Variants in EEF2 observed in about 807,000 individuals in gnomAD.
EEF2 encodes the protein elongation factor 2.
In EEF2, 21 loss-of-function variants were observed where a neutral mutation model predicts 85.3. The ratio of observed to expected loss-of-function variants is 0.25; its 90% CI spans 0.17 to 0.35. The LOEUF is 0.35. Ranked by LOEUF, EEF2 falls within the 10% of genes least tolerant of loss-of-function variation. EEF2 has a pLI of 1.00. For missense variants in EEF2, 825 were observed against 1,225.3 expected, an observed-to-expected ratio of 0.67 and a Z score of 4.88; for synonymous variants, 723 against 508.8, an observed-to-expected ratio of 1.42 and a Z score of -5.67.
chr19:3,985,441 T>TGGC lies in EEF2; in HGVS notation c.-64_-62dup. The TGGC allele has an allele frequency of 6.9e-7, 1 of 1,446,040 alleles. No individual in the cohort carries two copies. Among genetic ancestry groups the TGGC allele is most frequent in the South Asian group, 1.4e-5 (1 of 70,344 alleles). The allele number at this position is 1,446,040 out of a possible 1,614,324, so 89.6% of individuals were successfully genotyped here. On this transcript the variant is annotated 5_prime_UTR_variant, in exon 1 of 15. Transcript: ENST00000309311. ...CGAAAGAAGCGAGTCGCGCCGAGGA[T>TGGC]GGCGGCGACGACGGCGGAAGAGAAC...
At position 3,983,094 on chromosome 19, in the gene EEF2, G is replaced by T; in HGVS notation, c.400+16C>A. ...CCCCGGTTCCAGGCCGTGCCTCAGG[G>T]GGACCCACTGCTTACCTGACACGCA... On this transcript the variant is annotated intron_variant, in intron 3 of 14. Transcript: ENST00000309311. The T allele has an allele frequency of 6.2e-7, 1 of 1,612,674 alleles. No individual in the cohort carries two copies. Among genetic ancestry groups the T allele is most frequent in the Non-Finnish European group, 8.5e-7 (1 of 1,178,882 alleles).
In EEF2 at chr19:3,984,883, T is replaced by C. The variant is rs561289317; in HGVS notation, c.3+495A>G. Reference sequence around the variant, plus strand: ...AGAGTCTTTGTACATCTGGGAGTCATAGGAAGGACAAGTGCCTAAGGTCGA... The same window carrying C: ...AGAGTCTTTGTACATCTGGGAGTCACAGGAAGGACAAGTGCCTAAGGTCGA... On this transcript the variant is annotated intron_variant, in intron 1 of 14. Coordinates refer to ENST00000309311, the MANE Select transcript of EEF2 (RefSeq NM_001961.4). The C allele has an allele frequency of 9.6e-5, 16 of 167,098 alleles. No homozygotes were observed. The East Asian group carries it at 2.4e-3, about 25-fold the overall frequency. 10.4% of individuals were successfully genotyped at this position (167,098 alleles called of 1,614,324 possible).
chr19:3,984,492 C>A, intron 1 of EEF2, 142 bp from the exon 2 acceptor site: 1 of 810,986 alleles, frequency 1.2e-6, no homozygotes, highest in Non-Finnish European at 2.0e-6. Flanking sequence ...CGAATCTTGC[C>A]AGCCTAACAC....
rs778793100 is a variant in EEF2, at chr19:3,981,458, T to C, written c.898-6A>G. On this transcript the variant is annotated splice_region_variant and splice_polypyrimidine_tract_variant and intron_variant, in intron 6 of 14. Transcript: ENST00000309311. ...TTCATGATCGCATCAAACACCTACA[T>C]TCCCCACCAAGAAACAAGAAAGCCC... is the stretch of plus-strand genomic sequence containing the variant. 187 of 1,608,502 alleles carry C rather than the reference T, an allele frequency of 1.2e-4. No homozygotes were observed. Among genetic ancestry groups the C allele is most frequent in the Non-Finnish European group, 1.5e-4 (180 of 1,175,740 alleles).
chr19:3,979,215 G>C, intron 11 of EEF2, 114 bp downstream of exon 11: 2 of 771,972 alleles, frequency 2.6e-6, no homozygotes, highest in Middle Eastern at 3.5e-4. Flanking sequence ...AAGAAGCTGA[G>C]ACCAAGACCG....
In EEF2 at chr19:3,983,017, G is replaced by A. The variant is rs150539044; in HGVS notation, c.402C>T (p.Gly134=). ...GCACTGTCTCCGTCTGCACGCACAC[G>A]CCTGGGGACACGGGGGACAGGGCGG... ...GALVVVDCVS[G]VCVQTETVLR... is the part of the protein sequence containing the mutation. Residue 134 remains glycine (G), a splice_region_variant and synonymous_variant, in exon 4 of 15, where the codon GGC becomes GGT. Transcript: ENST00000309311. The A allele has an allele frequency of 2.2e-5, 36 of 1,612,734 alleles. No homozygotes were observed. Among genetic ancestry groups the A allele is most frequent in the African/African-American group, 1.7e-4 (13 of 75,036 alleles).
intron 2 of EEF2, among the ~76,000 whole-genome samples, 178 bp from the exon 3 acceptor site, chr19:3,983,469 AG>A (rs1445455663): frequency 6.6e-6 from 1 of 151,988 alleles, no homozygotes; most frequent in Non-Finnish European, 1.5e-5. Context: ...CCCCCATGAC[AG>A]GGAACTCCTG....
intron 1 of EEF2, chr19:3,985,121 C>G (rs954875266): frequency 2.0e-5 from 8 of 397,810 alleles, no homozygotes; most frequent in African/African-American, 1.7e-4. Context: ...TCATTCCCCA[C>G]CCCCATCCCC....
chr19:3,977,491 G>A lies in EEF2; in HGVS notation c.2187C>T (p.Leu729=), dbSNP rs74172613. The A allele has an allele frequency of 1.3e-6, 2 of 1,588,814 alleles. No homozygotes were observed. The highest frequency in any genetic ancestry group is 2.2e-5 in the East Asian group (1 of 44,456). The change falls in exon 13 of 15, where the codon CTC becomes CTT. Residue 729 remains leucine (L), a synonymous_variant. Transcript: ENST00000309311. This position sits in a 1 kb window ranked among gnomAD's most constrained non-coding sequence, Gnocchi z 5.4. Reference sequence around the variant, plus strand: ...GCTGGGCGGTCAGCACACTGGCATAGAGGCAGCGCCGTGCTGTGGGGATGA... The same window carrying A: ...GCTGGGCGGTCAGCACACTGGCATAAAGGCAGCGCCGTGCTGTGGGGATGA... ...GQIIPTARRC[L]YASVLTAQPR...
chr19:3,980,274 G>A (rs1461705723), intron 9 of EEF2, among the ~76,000 whole-genome samples: 2 of 152,220 alleles, frequency 1.3e-5, no homozygotes, highest in Admixed American at 6.5e-5. Flanking sequence ...ATGGGTCGAC[G>A]GCCGCCACCC....
rs749851802 is a variant in EEF2, at chr19:3,979,346, C to T, written c.1696G>A (p.Ala566Thr). 3 of 1,613,970 alleles carry T rather than the reference C, an allele frequency of 1.9e-6. No homozygotes were observed. The highest frequency in any genetic ancestry group is 1.1e-5 in the South Asian group (1 of 91,084). ...CGCCTCACCTTGATGGGGATGCAGG[C>T]GTGGTCCTCCTCCAGGTCCTTCAGG... ...ICLKDLEEDH[A>T]CIPIKKSDPV... The change falls in exon 11 of 15, where the codon GCC (alanine) becomes ACC (threonine). Residue 566 changes from alanine to threonine, a missense_variant. Coordinates refer to ENST00000309311, the MANE Select transcript of EEF2 (RefSeq NM_001961.4).
intron 7 of EEF2, 115 bp downstream of exon 7, chr19:3,981,224 G>A: frequency 2.6e-6 from 3 of 1,149,420 alleles, no homozygotes; most frequent in South Asian, 1.3e-5. Context: ...AAGCGAAAGG[G>A]GCAGCAGCTG....
chr19:3,984,297 G>C lies in EEF2; in HGVS notation c.57C>G (p.Ile19Met). Reference sequence around the variant, plus strand: ...CGTGGGCGATGACAGACATGTTGCGGATGTTGGCCTTCTTGTCCATGATGG... The same window carrying C: ...CGTGGGCGATGACAGACATGTTGCGCATGTTGGCCTTCTTGTCCATGATGG... ...IRAIMDKKANIRNMSVIAHVD... is the reference protein window; with the variant it reads ...IRAIMDKKANMRNMSVIAHVD... The change falls in exon 2 of 15, where the codon ATC (isoleucine) becomes ATG (methionine). Residue 19 changes from isoleucine (I) to methionine (M), a missense_variant. Coordinates refer to ENST00000309311, the MANE Select transcript of EEF2 (RefSeq NM_001961.4). 6.2e-7 allele frequency: 1 copy of C among 1,614,214 alleles called. No homozygotes were observed. The highest frequency in any genetic ancestry group is 8.5e-7 in the Non-Finnish European group (1 of 1,180,026).
intron 2 of EEF2, among the ~76,000 whole-genome samples, chr19:3,983,493 T>C (rs1181275765): frequency 2.0e-5 from 3 of 151,912 alleles, no homozygotes; most frequent in African/African-American, 4.8e-5. Flanking sequence ...ACCAGCCCCA[T>C]AGCCAGATCC....
intron 10 of EEF2, 75 bp from the exon 11 acceptor site, chr19:3,979,511 T>A: frequency 7.7e-7 from 1 of 1,305,798 alleles, no homozygotes. Flanking sequence ...AGCTTCCCTT[T>A]AGCTAGGGAC....
chr19:3,979,089 G>A lies in EEF2; in HGVS notation c.1713+240C>T, dbSNP rs568598965. ...GGAGGTTCTAGCGAGCCAAGATCAC[G>A]CCACTGCACTCCAGCCTGGATGACA... On this transcript the variant is annotated intron_variant, in intron 11 of 14. Coordinates refer to ENST00000309311, the MANE Select transcript of EEF2 (RefSeq NM_001961.4). Among the ~76,000 whole-genome samples, 9 of 152,152 alleles carry A rather than the reference G, an allele frequency of 5.9e-5. No individual in the cohort carries two copies. In the South Asian group the frequency reaches 6.2e-4, roughly 11 times the overall value.
In EEF2 at chr19:3,977,352, C is replaced by T. The variant is rs1400908252; in HGVS notation, c.2251-5G>A. The T allele has an allele frequency of 6.3e-7, 1 of 1,590,888 alleles. No individual in the cohort carries two copies. Among genetic ancestry groups the T allele is most frequent in the East Asian group, 2.3e-5 (1 of 43,916 alleles). On this transcript the variant is annotated splice_region_variant and splice_polypyrimidine_tract_variant and intron_variant, in intron 13 of 14. Transcript: ENST00000309311. The surrounding 1 kb of genome is among the most constrained non-coding windows in gnomAD (Gnocchi z 5.4). ...ACCGACCACCTGCTCTGGACACTGC[C>T]AGAAGGGAAAGAAAACCTGTCAGTG...
At chr19:3,978,777 T>TGGATG (rs1266909472) in intron 11 of EEF2, among the ~76,000 whole-genome samples, 1 of 107,802 alleles carries the variant, frequency 9.3e-6, no homozygotes, top group African/African-American at 3.5e-5. Context: ...CACTCCAGCC[T>TGGATG]AAGCAACAGA....
Position 3,977,601 on chromosome 19 carries a change from A to G in EEF2, c.2077T>C (p.Cys693Arg). ...CGCACACCCCGCATGTTCTCCTCAC[A>G]CAGTGCGCCCTGGGGGAGGGGGAGA... ...FQWATKEGAL[C>R]EENMRGVRFD... The change falls in exon 13 of 15, where the codon TGT becomes CGT. Residue 693 changes from cysteine (C) to arginine (R), a missense_variant. By Grantham distance (180) the Cys-to-Arg change is radical. Transcript: ENST00000309311. This position sits in a 1 kb window ranked among gnomAD's most constrained non-coding sequence, Gnocchi z 5.4. 6.5e-7 allele frequency: 1 copy of G among 1,526,906 alleles called. No individual in the cohort carries two copies. The highest frequency in any genetic ancestry group is 1.4e-5 in the African/African-American group (1 of 73,280). 94.6% of individuals were successfully genotyped at this position (1,526,906 alleles called of 1,614,324 possible).
Sources: allele counts gnomAD v4.1 joint callset (sites outside exome capture counted in the v4.1 genomes callset), GRCh38; gene constraint gnomAD v4.1.1; non-coding constraint Gnocchi (gnomAD v3.1); transcripts MANE v1.5; gene names NCBI Gene and HGNC (gene_info 2026-07-23, HGNC 2026-07-21).